The following UGT1A9 variants were observed in gnomAD, a reference collection of about 807,000 sequenced individuals.
UGT1A9 encodes UDP glucuronosyltransferase family 1 member A9.
In UGT1A9, 35 loss-of-function variants were observed where a neutral mutation model predicts 45.0. The observed-to-expected ratio is 0.78, with a 90% confidence interval of 0.59 to 1.03. UGT1A9 has a LOEUF of 1.03. Ranked by LOEUF, UGT1A9 falls within the 50% of genes least tolerant of loss-of-function variation. The pLI is 0.00. For synonymous variants in UGT1A9, 278 were observed against 250.6 expected, an observed-to-expected ratio of 1.11 and a Z score of -1.03; for missense variants, 687 against 666.6, an observed-to-expected ratio of 1.03 and a Z score of -0.34.
chr2:233,747,449 C>G (rs1200553651), intron 1 of UGT1A9: 3 of 1,608,916 alleles, frequency 1.9e-6, no homozygotes, highest in Non-Finnish European at 2.6e-6. Flanking sequence ...CCCTGACAAC[C>G]TATGCCATTT....
intron 1 of UGT1A9, among the ~76,000 whole-genome samples, chr2:233,684,605 T>G (rs1292324256): frequency 2.0e-5 from 3 of 152,236 alleles, no homozygotes; most frequent in African/African-American, 7.2e-5. Context: ...TTTACATATT[T>G]TGGTTATTTG....
In UGT1A9 at chr2:233,724,313, C is replaced by T. The variant is rs1238022468; in HGVS notation, c.856-42721C>T. ...CTGACCCCCCCACCTCCCTCCCGGA[C>T]GGGGCGGCTGGCCAGGCGGGGGGCT... On this transcript the variant is annotated intron_variant, in intron 1 of 4. Coordinates refer to ENST00000354728, the MANE Select transcript of UGT1A9 (RefSeq NM_021027.3). Among the ~76,000 whole-genome samples the T allele has an allele frequency of 7.3e-4, 99 of 136,280 alleles. No homozygotes were observed. In the Middle Eastern group the frequency reaches 0.011, roughly 16 times the overall value. 89.4% of individuals were successfully genotyped at this position (136,280 alleles called of 152,430 possible).
At position 233,769,833 on chromosome 2, in the gene UGT1A9, G is replaced by A. The variant is rs567832844; in HGVS notation, c.1295+1394G>A. The A allele has an allele frequency of 4.3e-4, 293 of 685,174 alleles. No homozygotes were observed. The African/African-American group carries it at 5.2e-3, about 12-fold the overall frequency. The allele number at this position is 685,174 out of a possible 1,614,324, so 42.4% of individuals were successfully genotyped here. On this transcript the variant is annotated intron_variant, in intron 4 of 4. Coordinates refer to ENST00000354728, the MANE Select transcript of UGT1A9 (RefSeq NM_021027.3). The surrounding 1 kb of genome is among the most constrained non-coding windows in gnomAD (Gnocchi z 4.4). ...TCATGCCACTGCACTCCAGCAACCT[G>A]GGCAACAGAGTGAGACCCTGTCTCA...
intron 1 of UGT1A9, chr2:233,755,708 G>A (rs6747843): frequency 0.3 from 46,013 of 153,542 alleles, 7,045 homozygotes; most frequent in South Asian, 0.39. Context: ...AAGACATCCT[G>A]TTGTTTAGGA....
intron 1 of UGT1A9, among the ~76,000 whole-genome samples, chr2:233,676,850 T>C (rs2074373465): frequency 6.6e-6 from 1 of 152,184 alleles, no homozygotes; most frequent in Admixed American, 6.6e-5. Flanking sequence ...CTCCACTGCA[T>C]TGCCTTTGTA....
intron 1 of UGT1A9, among the ~76,000 whole-genome samples, chr2:233,674,259 AG>A (rs1479149189): frequency 6.6e-6 from 1 of 152,220 alleles, no homozygotes; most frequent in Non-Finnish European, 1.5e-5. Context: ...AAAAAGCAGG[AG>A]GACTACAGTT....
chr2:233,723,609 T>C (rs2077104515), intron 1 of UGT1A9, among the ~76,000 whole-genome samples: 1 of 104,888 alleles, frequency 9.5e-6, no homozygotes. Context: ...GGGACAATAG[T>C]GGAGGGAAGG....
At chr2:233,751,208 T>G (rs767963579) in intron 1 of UGT1A9, among the ~76,000 whole-genome samples, 3 of 151,940 alleles carry the variant, frequency 2.0e-5, no homozygotes, top group Non-Finnish European at 4.4e-5. Flanking sequence ...TTTTGGAGCT[T>G]TAAGATTTAA....
chr2:233,713,930 G>C (rs1200038289), intron 1 of UGT1A9: 3 of 1,611,758 alleles, frequency 1.9e-6, no homozygotes, highest in Non-Finnish European at 2.5e-6. Flanking sequence ...TTACTTACAA[G>C]TGCTTCCATA....
chr2:233,728,472 C>A (rs778651891), intron 1 of UGT1A9, among the ~76,000 whole-genome samples: 1 of 152,182 alleles, frequency 6.6e-6, no homozygotes, highest in African/African-American at 2.4e-5. Context: ...TCCCAAGAAT[C>A]TGATCATCAC....
intron 1 of UGT1A9, among the ~76,000 whole-genome samples, chr2:233,704,666 G>C (rs572399791): frequency 6.6e-6 from 1 of 151,938 alleles, no homozygotes; most frequent in Non-Finnish European, 1.5e-5. Flanking sequence ...CTTTTCCTTT[G>C]TTCTTATGGA....
chr2:233,750,239 C>A (rs1187783492), intron 1 of UGT1A9, among the ~76,000 whole-genome samples: 6 of 151,854 alleles, frequency 4.0e-5, no homozygotes, highest in African/African-American at 1.2e-4. Context: ...TTATTGGGAA[C>A]TGGAACAAAG....
At chr2:233,738,377 G>A (rs1404110801) in intron 1 of UGT1A9, among the ~76,000 whole-genome samples, 2 of 152,188 alleles carry the variant, frequency 1.3e-5, no homozygotes, top group Admixed American at 1.3e-4. Flanking sequence ...AAAACTACTT[G>A]AAAATGTGGA....
intron 1 of UGT1A9, among the ~76,000 whole-genome samples, chr2:233,720,053 A>T (rs2076826594): frequency 6.6e-6 from 1 of 152,182 alleles, no homozygotes; most frequent in Non-Finnish European, 1.5e-5. Flanking sequence ...CTGAACGGTG[A>T]TGCAACAGTA....
At chr2:233,685,389 G>C (rs2074737008) in intron 1 of UGT1A9, among the ~76,000 whole-genome samples, 1 of 152,120 alleles carries the variant, frequency 6.6e-6, no homozygotes, top group South Asian at 2.1e-4. Flanking sequence ...TTGACTTGTT[G>C]GTGAATTACA....
chr2:233,736,234 T>G (rs1035352456), intron 1 of UGT1A9, among the ~76,000 whole-genome samples: 1 of 152,188 alleles, frequency 6.6e-6, no homozygotes, highest in Admixed American at 6.5e-5. Context: ...TCTCTAACCT[T>G]GTCTTCTCAC....
rs932352286 is a variant in UGT1A9, at chr2:233,700,062, G to T, written c.855+27273G>T. Among the ~76,000 whole-genome samples the T allele has an allele frequency of 5.3e-5, 8 of 152,146 alleles. 1 individual carries two copies. Among genetic ancestry groups the T allele is most frequent in the Non-Finnish European group, 8.8e-5 (6 of 68,028 alleles). On this transcript the variant is annotated intron_variant, in intron 1 of 4. Coordinates refer to ENST00000354728, the MANE Select transcript of UGT1A9 (RefSeq NM_021027.3). ...AAATCAATTCCAAGTGAATCCAGTGGTGTCTACCCAGCAAGGCCCCCAGCC... is the reference window on the plus strand; with the variant it reads ...AAATCAATTCCAAGTGAATCCAGTGTTGTCTACCCAGCAAGGCCCCCAGCC...
chr2:233,675,458 A>G (rs980040799), intron 1 of UGT1A9, among the ~76,000 whole-genome samples: 3 of 152,196 alleles, frequency 2.0e-5, no homozygotes, highest in African/African-American at 7.2e-5. Context: ...GGCTTTGTCT[A>G]TACCATCCAT....
At chr2:233,729,148 C>T (rs1366354347) in intron 1 of UGT1A9, 5 of 1,613,474 alleles carry the variant, frequency 3.1e-6, no homozygotes, top group Non-Finnish European at 4.2e-6. Context: ...ACTCCAGGTT[C>T]CCCTGCCGTG....
Sources: gnomAD v4.1 joint callset for allele counts (sites outside exome capture counted in the v4.1 genomes callset) on GRCh38, gnomAD v4.1.1 for gene constraint, Gnocchi (gnomAD v3.1) non-coding constraint, MANE v1.5 for transcripts, NCBI Gene and HGNC (gene_info 2026-07-23, HGNC 2026-07-21) for gene names.